The following GALC variants were observed in gnomAD, a reference collection of about 807,000 sequenced individuals.
GALC encodes the protein galactocerebrosidase.
GALC carries 77 observed loss-of-function variants against 91.8 expected under a neutral mutation model. The observed-to-expected ratio is 0.84, with a 90% CI of 0.70 to 1.01. GALC has a LOEUF of 1.01. GALC is among the 50% of genes least tolerant of loss of function. The probability of loss-of-function intolerance (pLI) is 0.00; values close to 1 mark genes in which losing one functional copy is unlikely to be tolerated. For synonymous variants in GALC, 357 were observed against 306.7 expected (o/e 1.16, Z -1.71); for missense variants, 882 against 855.9 (o/e 1.03, Z -0.38).
chr14:87,979,900 C>T (rs1886663725), intron 6 of GALC, among the ~76,000 whole-genome samples: 1 of 152,178 alleles, frequency 6.6e-6, no homozygotes, highest in African/African-American at 2.4e-5. Flanking sequence ...TGACTTTCCA[C>T]TTACAATCCC....
chr14:87,987,817 A>G (rs912048144), intron 3 of GALC: 19 of 204,654 alleles, frequency 9.3e-5, no homozygotes, highest in Admixed American at 6.6e-4. Flanking sequence ...ACGAAATTAA[A>G]ATCTTTCTAA....
Position 87,941,546 on chromosome 14 carries a change from A to G in GALC, c.1683T>C (p.Thr561=). The G allele has an allele frequency of 6.3e-7, 1 of 1,575,294 alleles. No individual in the cohort carries two copies. Among genetic ancestry groups the G allele is most frequent in the Non-Finnish European group, 8.7e-7 (1 of 1,145,014 alleles). Residue 561 remains threonine (T), a synonymous_variant, in exon 15 of 17, where the codon ACT becomes ACC. Coordinates refer to ENST00000261304, the MANE Select transcript of GALC (RefSeq NM_000153.4). ...IIGDYNWTNL[T]IKCDVYIETP... ...TCTCTATGTATACATCACACTTTATAGTCAGATTGGTCCTGCAAAATAAAA... is the reference window on the plus strand; with the variant it reads ...TCTCTATGTATACATCACACTTTATGGTCAGATTGGTCCTGCAAAATAAAA...
At chr14:87,967,894 CAATT>C (rs1367512095) in intron 8 of GALC, among the ~76,000 whole-genome samples, 3 of 152,144 alleles carry the variant, frequency 2.0e-5, no homozygotes, top group Non-Finnish European at 2.9e-5. Flanking sequence ...TTTTGGGAAA[CAATT>C]AGGAAAATCT....
At chr14:87,949,502 G>A (rs1655705470) in intron 12 of GALC, among the ~76,000 whole-genome samples, 1 of 151,980 alleles carries the variant, frequency 6.6e-6, no homozygotes, top group Non-Finnish European at 1.5e-5. Context: ...TGAAATCCAG[G>A]AGAGCGATAA....
rs1595202515 is a variant in GALC, at chr14:87,954,102, T to A, written c.1162-3354A>T. 6.2e-6 allele frequency: 10 copies of A among 1,609,554 alleles called. No individual in the cohort carries two copies. In the Admixed American group the frequency reaches 1.2e-4, roughly 19 times the overall value. ...GTTATTAAATCTTGGGAGTTATTCA[T>A]CTATTCAGCCTGAAGAATATTCCAG... On this transcript the variant is annotated intron_variant, in intron 10 of 16. Transcript: ENST00000261304.
At chr14:87,985,107 T>G (rs1286040180) in intron 4 of GALC, among the ~76,000 whole-genome samples, 1 of 152,168 alleles carries the variant, frequency 6.6e-6, no homozygotes, top group African/African-American at 2.4e-5. Context: ...CCTTGTTAAG[T>G]GATACACATC....
chr14:87,986,649 C>T (rs766713123), intron 3 of GALC, 47 bp from the exon 4 acceptor site: 4 of 1,167,318 alleles, frequency 3.4e-6, no homozygotes, highest in Non-Finnish European at 5.1e-6. Flanking sequence ...ATGAATGGTA[C>T]TTCCTAGGAC....
At chr14:87,958,913 G>A (rs1247041672) in intron 10 of GALC, among the ~76,000 whole-genome samples, 1 of 152,076 alleles carries the variant, frequency 6.6e-6, no homozygotes, top group Non-Finnish European at 1.5e-5. Flanking sequence ...AAGGGAAAGT[G>A]CTTTATGACA....
chr14:87,972,294 T>C (rs1337834991), intron 7 of GALC, among the ~76,000 whole-genome samples: 1 of 152,166 alleles, frequency 6.6e-6, no homozygotes, highest in African/African-American at 2.4e-5. Context: ...TACTATAGGA[T>C]GCCATTTAAA....
Position 87,936,921 on chromosome 14 carries a change from T to TATATATATA in GALC, c.1912-2044_1912-2043insTATATATAT, listed in dbSNP as rs1176265523. ...CTATATATATATATATATTTATTTA[T>TATATATATA]TTTCTCATTGAATCTTCATAAGAAA... On this transcript the variant is annotated intron_variant, in intron 16 of 16. Coordinates refer to ENST00000261304, the MANE Select transcript of GALC (RefSeq NM_000153.4). 9.2e-5 allele frequency among the ~76,000 whole-genome samples: 13 copies of TATATATATA among 141,170 alleles called. 2 individuals are homozygous for TATATATATA. Among genetic ancestry groups the TATATATATA allele is most frequent in the East Asian group, 4.3e-4 (2 of 4,658 alleles). The allele number at this position is 141,170 out of a possible 152,430, so 92.6% of individuals were successfully genotyped here.
At chr14:87,984,822 A>G (rs1886902365) in intron 4 of GALC, among the ~76,000 whole-genome samples, 3 of 152,222 alleles carry the variant, frequency 2.0e-5, no homozygotes, top group Admixed American at 2.0e-4. Flanking sequence ...CCTTACCAAT[A>G]GAAAGAAATG....
At chr14:87,969,062 G>T (rs1299149497) in intron 7 of GALC, among the ~76,000 whole-genome samples, 1 of 152,102 alleles carries the variant, frequency 6.6e-6, no homozygotes, top group Non-Finnish European at 1.5e-5. Context: ...CCCACACATG[G>T]TTATTTCTTG....
Position 87,976,542 on chromosome 14 carries a change from T to C in GALC, c.622-54A>G, listed in dbSNP as rs144644718. The C allele has an allele frequency of 8.4e-6, 12 of 1,430,988 alleles. No individual in the cohort carries two copies. In the East Asian group the frequency reaches 2.7e-4, roughly 33 times the overall value. 88.6% of individuals were successfully genotyped at this position (1,430,988 alleles called of 1,614,324 possible). ...AAGGATACAAATGAATTTTTAGCTG[T>C]TGAATTTATGACCAAGATAGATAAA... On this transcript the variant is annotated intron_variant, in intron 6 of 16. Coordinates refer to ENST00000261304, the MANE Select transcript of GALC (RefSeq NM_000153.4).
intron 7 of GALC, among the ~76,000 whole-genome samples, chr14:87,971,447 G>A (rs1235060019): frequency 6.6e-6 from 1 of 152,080 alleles, no homozygotes; most frequent in African/African-American, 2.4e-5. Flanking sequence ...AGATCTGTCT[G>A]GTAGAAATAT....
rs978910632 is a variant in GALC, at chr14:87,953,294, G to A, written c.1162-2546C>T. On this transcript the variant is annotated intron_variant, in intron 10 of 16. Transcript: ENST00000261304. ...AAAGGGCGGAGTCCTATAAATAAAG[G>A]GAATGTAAACATGGAGACTGAACCA... 5 of 1,484,156 alleles carry A rather than the reference G, an allele frequency of 3.4e-6. No homozygotes were observed. The South Asian group carries it at 4.5e-5, about 13-fold the overall frequency. 91.9% of individuals were successfully genotyped at this position (1,484,156 alleles called of 1,614,324 possible). A position where few individuals can be genotyped will look rare whatever the true frequency, so the allele number is the denominator to read the frequency against.
At chr14:87,954,659 GT>G in intron 10 of GALC, 1 of 1,574,752 alleles carries the variant, frequency 6.4e-7, no homozygotes, top group East Asian at 2.2e-5. Flanking sequence ...ATGTTCAGGA[GT>G]GGTTCTAATT....
chr14:87,990,989 T>A (rs959402546), intron 1 of GALC, among the ~76,000 whole-genome samples: 4 of 152,114 alleles, frequency 2.6e-5, no homozygotes, highest in Non-Finnish European at 5.9e-5. Context: ...GTGCAAGACA[T>A]CATCCTAAGT....
At position 87,945,557 on chromosome 14, in the gene GALC, T is replaced by C; in HGVS notation, c.1666A>G (p.Asn556Asp). Residue 556 changes from asparagine to aspartate, a missense_variant, in exon 14 of 17, where the codon AAC becomes GAC. Transcript: ENST00000261304. ...SNTISIIGDYNWTNLTIKCDV... is the reference protein window; with the variant it reads ...SNTISIIGDYDWTNLTIKCDV... ...CATTGAGAACATCAATCTTACCAGT[T>C]GTAGTCTCCTATAATACTGATTGTG... 1 of 1,592,418 alleles carries C rather than the reference T, an allele frequency of 6.3e-7. No individual in the cohort carries two copies. The highest frequency in any genetic ancestry group is 8.6e-7 in the Non-Finnish European group (1 of 1,160,534).
chr14:87,937,381 T>TGC (rs975250492), intron 16 of GALC, among the ~76,000 whole-genome samples: 8 of 149,076 alleles, frequency 5.4e-5, no homozygotes, highest in African/African-American at 1.9e-4. Flanking sequence ...TGACAATGGG[T>TGC]GCCTGACAGA....
Sources: gnomAD v4.1 joint callset for allele counts (sites outside exome capture counted in the v4.1 genomes callset) on GRCh38, gnomAD v4.1.1 for gene constraint, MANE v1.5 for transcripts, NCBI Gene and HGNC (gene_info 2026-07-23, HGNC 2026-07-21) for gene names.